Variants in TMEM232 observed in about 807,000 individuals in gnomAD.
TMEM232 encodes the protein transmembrane protein 232.
A neutral mutation model predicts 78.8 loss-of-function variants in TMEM232; 80 were observed. The ratio of observed to expected loss-of-function variants is 1.01; its 90% CI spans 0.85 to 1.22. The LOEUF is 1.22. Ranked by LOEUF, TMEM232 falls within the 50% of genes most tolerant of loss-of-function variation. TMEM232 has a pLI of 0.00. For missense variants in TMEM232, 881 were observed against 742.2 expected (o/e 1.19, Z -2.17); for synonymous variants, 297 against 254.3 (o/e 1.17, Z -1.60).
rs1781312176 is a variant in TMEM232 at position 110,604,520 on chromosome 5, G to C, written c.1276+589C>G. ...TGGAGGAAAGAAGATAAATCCTATG[G>C]GGAACAAAATAAAAATAAAGAGGAA... On this transcript the variant is annotated intron_variant, in intron 10 of 13. Transcript: ENST00000455884. Among the ~76,000 whole-genome samples, 3 of 151,916 alleles carry C rather than the reference G, an allele frequency of 2.0e-5. No individual in the cohort carries two copies. The South Asian group carries it at 6.2e-4, about 32-fold the overall frequency.
At chr5:110,735,830 G>C (rs1799104890) in intron 1 of TMEM232, among the ~76,000 whole-genome samples, 1 of 152,124 alleles carries the variant, frequency 6.6e-6, no homozygotes, top group Admixed American at 6.5e-5. Context: ...AAGAAATAAA[G>C]ACATTCTTTC....
At chr5:110,608,330 T>C (rs1445751223) in intron 8 of TMEM232, among the ~76,000 whole-genome samples, 1 of 151,896 alleles carries the variant, frequency 6.6e-6, no homozygotes, top group African/African-American at 2.4e-5. Context: ...AAAAAAGATA[T>C]GAGTTTGATA....
intron 11 of TMEM232, among the ~76,000 whole-genome samples, chr5:110,536,254 C>A (rs1049571516): frequency 6.6e-6 from 1 of 152,216 alleles, no homozygotes; most frequent in Non-Finnish European, 1.5e-5. Context: ...CTGCCACCAC[C>A]CAGTTCTAGT....
At chr5:110,643,368 G>C (rs1401399837) in intron 2 of TMEM232, among the ~76,000 whole-genome samples, 3 of 151,994 alleles carry the variant, frequency 2.0e-5, no homozygotes, top group South Asian at 4.1e-4. Context: ...ACCAATATTC[G>C]AGTCATCAGC....
intron 12 of TMEM232, among the ~76,000 whole-genome samples, chr5:110,516,893 G>A (rs1022051488): frequency 3.3e-5 from 5 of 152,116 alleles, no homozygotes; most frequent in African/African-American, 1.2e-4. Context: ...CATTAACAAG[G>A]AAGTTCTCAT....
At chr5:110,654,816 C>T (rs1255784593) in intron 2 of TMEM232, among the ~76,000 whole-genome samples, 2 of 152,130 alleles carry the variant, frequency 1.3e-5, no homozygotes, top group Non-Finnish European at 2.9e-5. Context: ...TGTCCTCTTT[C>T]ATTTCATTGA....
intron 10 of TMEM232, among the ~76,000 whole-genome samples, chr5:110,603,849 T>C (rs576847444): frequency 6.6e-6 from 1 of 152,272 alleles, no homozygotes; most frequent in African/African-American, 2.4e-5. Flanking sequence ...GAAGGCAATT[T>C]AAAAATAGTG....
At chr5:110,579,060 T>C (rs1777876605) in intron 10 of TMEM232, among the ~76,000 whole-genome samples, 1 of 151,790 alleles carries the variant, frequency 6.6e-6, no homozygotes, top group South Asian at 2.1e-4. Flanking sequence ...CATTATATTC[T>C]AGATATCAAA....
At chr5:110,488,697 A>G (rs1342269970) in intron 12 of TMEM232, among the ~76,000 whole-genome samples, 5 of 152,036 alleles carry the variant, frequency 3.3e-5, no homozygotes, top group Non-Finnish European at 5.9e-5. Flanking sequence ...GCCAGAAGTA[A>G]TGAAATAAGC....
At chr5:110,525,168 G>GAA (rs756779219) in intron 12 of TMEM232, among the ~76,000 whole-genome samples, 1 of 117,038 alleles carries the variant, frequency 8.5e-6, no homozygotes, top group African/African-American at 3.2e-5. Flanking sequence ...GTAACAATAA[G>GAA]AAAAAAAAAA....
At chr5:110,643,937 T>G (rs555704982) in intron 2 of TMEM232, among the ~76,000 whole-genome samples, 259 of 152,166 alleles carry the variant, frequency 1.7e-3, no homozygotes, top group African/African-American at 5.8e-3. Context: ...AATGGGCAGT[T>G]AAATAGCAAT....
At chr5:110,434,847 G>T in intron 12 of TMEM232, among the ~76,000 whole-genome samples, 1 of 151,914 alleles carries the variant, frequency 6.6e-6, no homozygotes. Context: ...ATTTAAAAAT[G>T]ATTTGATCAT....
chr5:110,549,418 C>A (rs1774181204), intron 11 of TMEM232, among the ~76,000 whole-genome samples: 1 of 151,486 alleles, frequency 6.6e-6, no homozygotes, highest in Non-Finnish European at 1.5e-5. Context: ...AATGTGAGAC[C>A]AGCCTGGGCA....
chr5:110,667,404 C>G, intron 1 of TMEM232, 40 bp from the exon 2 acceptor site: 1 of 1,389,428 alleles, frequency 7.2e-7, no homozygotes, highest in Non-Finnish European at 9.5e-7. Context: ...TACAAATGCA[C>G]TCATAGTATC....
At chr5:110,551,377 C>T (rs757353502) in intron 11 of TMEM232, among the ~76,000 whole-genome samples, 6 of 152,062 alleles carry the variant, frequency 3.9e-5, no homozygotes, top group African/African-American at 1.2e-4. Context: ...CACTTGCCAC[C>T]GCGCCTGGCT....
chr5:110,606,221 T>C lies in TMEM232; in HGVS notation c.969A>G (p.Lys323=). ...EAAKLNMACL[K]ALMDVVRDFV... ...AATCTCTCACTACGTCCATTAAAGC[T>C]TTCAAGCAGGCCATGTTTAATTTGG... The change falls in exon 9 of 14, where the codon AAA becomes AAG. Residue 323 remains lysine (K), a synonymous_variant. Transcript: ENST00000455884. 6.5e-7 allele frequency: 1 copy of C among 1,545,928 alleles called. No homozygotes were observed.
chr5:110,651,688 G>GCACCTT (rs1305187122), intron 2 of TMEM232, among the ~76,000 whole-genome samples: 1 of 152,008 alleles, frequency 6.6e-6, no homozygotes, highest in African/African-American at 2.4e-5. Context: ...AGAACAAGGG[G>GCACCTT]GTGAGAGCAG....
intron 12 of TMEM232, among the ~76,000 whole-genome samples, chr5:110,456,652 G>A (rs111643263): frequency 6.6e-6 from 1 of 152,114 alleles, no homozygotes; most frequent in East Asian, 1.9e-4. Context: ...GTCAGAGAGT[G>A]TGGTATTGAC....
At chr5:110,619,445 T>C (rs1480995849) in intron 7 of TMEM232, among the ~76,000 whole-genome samples, 1 of 152,198 alleles carries the variant, frequency 6.6e-6, no homozygotes, top group Non-Finnish European at 1.5e-5. Flanking sequence ...GTTGTGTATT[T>C]ATCTACTTTA....
Sources: gnomAD v4.1 joint callset for allele counts (sites outside exome capture counted in the v4.1 genomes callset) on GRCh38, gnomAD v4.1.1 for gene constraint, MANE v1.5 for transcripts, NCBI Gene and HGNC (gene_info 2026-07-23, HGNC 2026-07-21) for gene names.